ATP9B: variants seen among roughly 807,000 people sequenced by gnomAD.
The protein encoded by ATP9B is probable phospholipid-transporting ATPase IIB.
In ATP9B, 110 loss-of-function variants were observed where a neutral mutation model predicts 146.1. The ratio of observed to expected loss-of-function variants is 0.75; its 90% confidence interval spans 0.65 to 0.88. The LOEUF (loss-of-function observed/expected upper bound fraction) is 0.88, where lower values mean the gene tolerates loss of function less well. Ranked by LOEUF, ATP9B falls within the 40% of genes least tolerant of loss-of-function variation. The pLI is 0.00. For synonymous variants in ATP9B, 604 were observed against 569.7 expected (o/e 1.06, Z -0.86); for missense variants, 1,499 against 1,496.4 (o/e 1.00, Z -0.03).
At chr18:79,353,398 G>C (rs1012783830) in intron 25 of ATP9B, 3 of 152,394 alleles carry the variant, frequency 2.0e-5, no homozygotes, top group Admixed American at 6.5e-5. Flanking sequence ...CTTCAGCTGT[G>C]ATCTCCACAG....
chr18:79,203,613 T>C (rs1175841321), intron 9 of ATP9B, among the ~76,000 whole-genome samples: 2 of 151,506 alleles, frequency 1.3e-5, no homozygotes, highest in East Asian at 1.9e-4. Flanking sequence ...ACCCATAAAA[T>C]ATGGGATTAG....
At chr18:79,152,058 A>G (rs2094698672) in intron 6 of ATP9B, among the ~76,000 whole-genome samples, 1 of 152,260 alleles carries the variant, frequency 6.6e-6, no homozygotes, top group African/African-American at 2.4e-5. Context: ...TTATGCAGCC[A>G]ACAAACATGA....
chr18:79,346,902 C>T (rs544753155), intron 23 of ATP9B, among the ~76,000 whole-genome samples: 4 of 152,350 alleles, frequency 2.6e-5, no homozygotes, highest in African/African-American at 7.2e-5. Flanking sequence ...AGGAATTGGT[C>T]GGAGTCCCCC....
intron 19 of ATP9B, among the ~76,000 whole-genome samples, chr18:79,341,994 G>A (rs1568756200): frequency 6.6e-6 from 1 of 152,134 alleles, no homozygotes; most frequent in Non-Finnish European, 1.5e-5. Flanking sequence ...CATGGAAATG[G>A]GATCATACAG....
Position 79,249,774 on chromosome 18 carries a change from A to C in ATP9B, c.1108-3607A>C, listed in dbSNP as rs1204090046. On this transcript the variant is annotated intron_variant, in intron 11 of 29. Transcript: ENST00000426216. ...AGAAATTGAATATTAAAAGATTATT[A>C]ATTGAAGTGGGTTAAAAAAATGCAA... 5.3e-5 allele frequency among the ~76,000 whole-genome samples: 8 copies of C among 152,352 alleles called. No homozygotes were observed. The East Asian group carries it at 1.2e-3, about 22-fold the overall frequency.
chr18:79,273,001 A>G (rs891721926), intron 12 of ATP9B, among the ~76,000 whole-genome samples: 1 of 152,168 alleles, frequency 6.6e-6, no homozygotes, highest in African/African-American at 2.4e-5. Context: ...GATTATCTGG[A>G]TGCAGGCACT....
chr18:79,371,626 C>T (rs2097071217), intron 26 of ATP9B, among the ~76,000 whole-genome samples: 2 of 152,218 alleles, frequency 1.3e-5, no homozygotes, highest in Non-Finnish European at 2.9e-5. Flanking sequence ...TTCCAGCGTC[C>T]GTGCCTCTGT....
At position 79,233,146 on chromosome 18, in the gene ATP9B, G is replaced by A. The variant is rs547795286; in HGVS notation, c.1107+19108G>A. Among the ~76,000 whole-genome samples the A allele has an allele frequency of 3.9e-5, 6 of 152,106 alleles. No individual in the cohort carries two copies. The Middle Eastern group carries it at 0.01, about 259-fold the overall frequency. ...ATCTCTACTAAAAATACAAAAATTA[G>A]CCAGGTGAAGTGGCGCACACCTGTA... On this transcript the variant is annotated intron_variant, in intron 11 of 29. Transcript: ENST00000426216.
At chr18:79,344,190 A>G in intron 20 of ATP9B, 75 bp from the exon 21 acceptor site, 1 of 1,342,966 alleles carries the variant, frequency 7.4e-7, no homozygotes, top group South Asian at 1.2e-5. Context: ...TGACTCTGCA[A>G]ATAATGCCCT....
intron 11 of ATP9B, among the ~76,000 whole-genome samples, chr18:79,236,661 C>T (rs2095843899): frequency 6.6e-6 from 1 of 152,228 alleles, no homozygotes; most frequent in Non-Finnish European, 1.5e-5. Flanking sequence ...CCAGTTGACC[C>T]AGAAGTGATT....
Position 79,329,201 on chromosome 18 carries a change from T to A in ATP9B, c.1834T>A (p.Ser612Thr). 1 of 1,612,520 alleles carries A rather than the reference T, an allele frequency of 6.2e-7. No individual in the cohort carries two copies. Among genetic ancestry groups the A allele is most frequent in the Non-Finnish European group, 8.5e-7 (1 of 1,179,870 alleles). ...GLTLVSRDLTSMQLKTPSGQV... is the reference protein window; with the variant it reads ...GLTLVSRDLTTMQLKTPSGQV... Reference sequence around the variant, plus strand: ...CACGCTGGTCAGCAGGGACCTCACCTCCATGCAGCTGAAGACCCCCAGTGG... The same window carrying A: ...CACGCTGGTCAGCAGGGACCTCACCACCATGCAGCTGAAGACCCCCAGTGG... The change falls in exon 16 of 30, where the codon TCC becomes ACC. Residue 612 changes from serine to threonine, a missense_variant. Physicochemically the swap from Ser to Thr is moderately conservative, Grantham distance 58. Coordinates refer to ENST00000426216, the MANE Select transcript of ATP9B (RefSeq NM_198531.5).
chr18:79,345,565 C>A lies in ATP9B; in HGVS notation c.2610C>A (p.Cys870Ter). The A allele has an allele frequency of 6.2e-7, 1 of 1,608,108 alleles. No homozygotes were observed. Reference sequence around the variant, plus strand: ...AGCAGCACACAGGGAGACGCACCTGCGCCATCGGTGAGAGCCGCCCACCCT... The same window carrying A: ...AGCAGCACACAGGGAGACGCACCTGAGCCATCGGTGAGAGCCGCCCACCCT... ...LLQQHTGRRT[C>*]AIGDGGNDVS... The change falls in exon 22 of 30, where the codon TGC becomes TGA. Residue 870 changes from cysteine to a stop codon, truncating the protein, a stop_gained. Transcript: ENST00000426216. LOFTEE classifies it high-confidence loss of function.
intron 7 of ATP9B, among the ~76,000 whole-genome samples, chr18:79,155,716 A>C (rs1483237668): frequency 2.0e-5 from 3 of 150,604 alleles, no homozygotes. Context: ...TACTTTTAGA[A>C]GGGACATTTT....
At chr18:79,321,808 C>T (rs1231749536) in intron 15 of ATP9B, among the ~76,000 whole-genome samples, 4 of 152,184 alleles carry the variant, frequency 2.6e-5, no homozygotes, top group African/African-American at 9.7e-5. Flanking sequence ...AAATAATAAA[C>T]AGATGTGAGT....
At chr18:79,275,839 A>G (rs535377150) in intron 12 of ATP9B, among the ~76,000 whole-genome samples, 1 of 152,374 alleles carries the variant, frequency 6.6e-6, no homozygotes, top group Admixed American at 6.5e-5. Context: ...AAAGCTGTGT[A>G]ATTGTCAAAG....
chr18:79,213,675 G>C (rs1051700843), intron 10 of ATP9B, among the ~76,000 whole-genome samples: 1 of 152,050 alleles, frequency 6.6e-6, no homozygotes, highest in African/African-American at 2.4e-5. Context: ...GTAGTGAAAG[G>C]CCATTGTCAT....
intron 11 of ATP9B, among the ~76,000 whole-genome samples, chr18:79,243,290 T>C (rs980529552): frequency 6.6e-6 from 1 of 152,220 alleles, no homozygotes; most frequent in African/African-American, 2.4e-5. Flanking sequence ...ATGTTTTTAA[T>C]ATAATTATAA....
rs748080034 is a variant in ATP9B at position 79,348,119 on chromosome 18, G to GCT, written c.2839-5_2839-4dup. 5 of 1,613,820 alleles carry GCT rather than the reference G, an allele frequency of 3.1e-6. No individual in the cohort carries two copies. The highest frequency in any genetic ancestry group is 4.5e-5 in the East Asian group (2 of 44,834). On this transcript the variant is annotated splice_polypyrimidine_tract_variant and intron_variant, in intron 24 of 29. Transcript: ENST00000426216. ...AACTGACAGTTGTCTTCGTCTGTGGGCTCTCTCTCCAGGCTGTGTTTTCCT... is the reference window on the plus strand; with the variant it reads ...AACTGACAGTTGTCTTCGTCTGTGGGCTCTCTCTCTCCAGGCTGTGTTTTCCT...
chr18:79,142,044 G>A (rs1225133711), intron 5 of ATP9B, among the ~76,000 whole-genome samples: 2 of 152,192 alleles, frequency 1.3e-5, no homozygotes, highest in African/African-American at 4.8e-5. Flanking sequence ...TGTACTTTGA[G>A]CAGATATATA....
Sources: allele counts gnomAD v4.1 joint callset (sites outside exome capture counted in the v4.1 genomes callset), GRCh38; gene constraint gnomAD v4.1.1; transcripts MANE v1.5; gene names NCBI Gene and HGNC (gene_info 2026-07-23, HGNC 2026-07-21).